TMEM87A: variants seen among roughly 807,000 people sequenced by gnomAD.
TMEM87A encodes the protein transmembrane protein 87A.
In TMEM87A, 50 loss-of-function variants were observed where a neutral mutation model predicts 90.0. The ratio of observed to expected loss-of-function variants is 0.56; its 90% CI spans 0.44 to 0.70. The LOEUF is 0.70. Among genes scored for constraint, TMEM87A ranks in the 30% least tolerant of loss-of-function variants. TMEM87A has a pLI of 0.00. For synonymous variants in TMEM87A, 226 were observed against 226.7 expected (o/e 1.00, Z 0.03); for missense variants, 577 against 660.5 (o/e 0.87, Z 1.39).
chr15:42,211,578 G>T lies in TMEM87A; in HGVS notation c.*130C>A. On this transcript the variant is annotated 3_prime_UTR_variant, in exon 20 of 20. Transcript: ENST00000389834. ...TCTGACACCTCTCGCCAACTCCAATGCCCAAAGATCAAGGAACAGATCAGG... is the reference window on the plus strand; with the variant it reads ...TCTGACACCTCTCGCCAACTCCAATTCCCAAAGATCAAGGAACAGATCAGG... The T allele has an allele frequency of 1.1e-6, 1 of 881,038 alleles. No homozygotes were observed. The highest frequency in any genetic ancestry group is 1.7e-6 in the Non-Finnish European group (1 of 572,942). 54.6% of individuals were successfully genotyped at this position (881,038 alleles called of 1,614,324 possible).
intron 8 of TMEM87A, among the ~76,000 whole-genome samples, chr15:42,239,137 G>A (rs1011932688): frequency 6.6e-6 from 1 of 152,090 alleles, no homozygotes; most frequent in African/African-American, 2.4e-5. Context: ...TCTGTCTCCT[G>A]GGTTCAAGCA....
At chr15:42,237,711 A>G (rs1221945171) in intron 8 of TMEM87A, 96 bp from the exon 9 acceptor site, 1 of 895,536 alleles carries the variant, frequency 1.1e-6, no homozygotes, top group Non-Finnish European at 1.6e-6. Flanking sequence ...TTTTTTTTTA[A>G]GAGATGGGGA....
At chr15:42,254,044 AT>A (rs1490264872) in intron 6 of TMEM87A, among the ~76,000 whole-genome samples, 1 of 151,276 alleles carries the variant, frequency 6.6e-6, no homozygotes, top group Non-Finnish European at 1.5e-5. Context: ...TAACAAAACT[AT>A]TTTTTTCTTT....
chr15:42,269,679 G>A (rs941912724), intron 2 of TMEM87A, among the ~76,000 whole-genome samples: 1 of 152,130 alleles, frequency 6.6e-6, no homozygotes, highest in African/African-American at 2.4e-5. Flanking sequence ...GCTCACGCCT[G>A]TAATCCCAGC....
intron 13 of TMEM87A, among the ~76,000 whole-genome samples, chr15:42,228,469 C>T (rs1393880140): frequency 6.6e-6 from 1 of 152,056 alleles, no homozygotes; most frequent in African/African-American, 2.4e-5. Flanking sequence ...AGAAAGAATG[C>T]AAATAGAAGA....
At chr15:42,261,091 C>T in intron 5 of TMEM87A, 89 bp from the exon 6 acceptor site, 12 of 1,540,208 alleles carry the variant, frequency 7.8e-6, no homozygotes, top group Non-Finnish European at 1.1e-5. Context: ...GAAGCCTGCT[C>T]CCCAGGTGCA....
intron 6 of TMEM87A, among the ~76,000 whole-genome samples, chr15:42,255,933 C>G (rs545699443): frequency 1.4e-4 from 10 of 72,720 alleles, no homozygotes; most frequent in African/African-American, 5.2e-4. Context: ...CCACACCCAG[C>G]TAATTTTTTT....
rs1042290854 is a variant in TMEM87A, at chr15:42,210,749, C to G, written c.*959G>C. On this transcript the variant is annotated 3_prime_UTR_variant, in exon 20 of 20. Transcript: ENST00000389834. The stretch of plus-strand genomic sequence containing the variant: ...CGAGCAGCAGTCCAGGGCCTCCACG[C>G]TACTTCATGCAATAACTGTTTAAAT... 2 of 152,700 alleles carry G rather than the reference C, an allele frequency of 1.3e-5. No individual in the cohort carries two copies. Among genetic ancestry groups the G allele is most frequent in the Non-Finnish European group, 2.9e-5 (2 of 68,104 alleles). The allele number at this position is 152,700 out of a possible 1,614,324, so 9.5% of individuals were successfully genotyped here. A position where few individuals can be genotyped will look rare whatever the true frequency, so the allele number is the denominator to read the frequency against.
At chr15:42,223,128 C>T (rs1329379665) in intron 15 of TMEM87A, among the ~76,000 whole-genome samples, 1 of 152,156 alleles carries the variant, frequency 6.6e-6, no homozygotes, top group African/African-American at 2.4e-5. Context: ...TATGGTGGCT[C>T]ACGCCTGTAA....
intron 6 of TMEM87A, among the ~76,000 whole-genome samples, chr15:42,251,693 C>T (rs1383215313): frequency 1.3e-5 from 2 of 152,200 alleles, no homozygotes; most frequent in East Asian, 3.9e-4. Context: ...AGTTAGGCTA[C>T]ATGGGGGTCA....
In TMEM87A at chr15:42,211,639, A is replaced by C; in HGVS notation, c.*69T>G. On this transcript the variant is annotated 3_prime_UTR_variant, in exon 20 of 20. Transcript: ENST00000389834. The stretch of plus-strand genomic sequence containing the variant: ...TTCCTTTAATCCCATGGAGCCGTAC[A>C]GAAGACTGACACAGATGCTGATCTC... 3 of 1,479,426 alleles carry C rather than the reference A, an allele frequency of 2.0e-6. No homozygotes were observed. Among genetic ancestry groups the C allele is most frequent in the Non-Finnish European group, 2.8e-6 (3 of 1,062,578 alleles). The allele number at this position is 1,479,426 out of a possible 1,614,324, so 91.6% of individuals were successfully genotyped here. A position where few individuals can be genotyped will look rare whatever the true frequency, so the allele number is the denominator to read the frequency against.
At chr15:42,258,767 T>C in intron 6 of TMEM87A, 2 of 1,432,354 alleles carry the variant, frequency 1.4e-6, no homozygotes, top group Non-Finnish European at 1.8e-6. Flanking sequence ...ACAAAGACTG[T>C]CATGCCTAAC....
chr15:42,213,527 T>A (rs1335805105), intron 19 of TMEM87A, among the ~76,000 whole-genome samples: 1 of 152,154 alleles, frequency 6.6e-6, no homozygotes, highest in African/African-American at 2.4e-5. Context: ...ATATTTTAGG[T>A]GCCTGGGGCC....
In TMEM87A at chr15:42,261,019, A is replaced by C; in HGVS notation, c.460-17T>G. On this transcript the variant is annotated splice_polypyrimidine_tract_variant and intron_variant, in intron 5 of 19. Transcript: ENST00000389834. ...CTCCTTAGCCTTTAAACATTAAAAA[A>C]ATAATAATAATTAATTCAGAACTTC... 7.2e-7 allele frequency: 1 copy of C among 1,386,038 alleles called. No individual in the cohort carries two copies. Among genetic ancestry groups the C allele is most frequent in the African/African-American group, 1.5e-5 (1 of 66,676 alleles). The allele number at this position is 1,386,038 out of a possible 1,614,324, so 85.9% of individuals were successfully genotyped here.
At position 42,249,111 on chromosome 15, in the gene TMEM87A, C is replaced by A. The variant is rs1216948315; in HGVS notation, c.505-4944G>T. On this transcript the variant is annotated intron_variant, in intron 6 of 19. Coordinates refer to ENST00000389834, the MANE Select transcript of TMEM87A (RefSeq NM_015497.5). ...TATTCTCTGATGGTAGTTTGTATTT[C>A]TGTGGGATCAGTAGTGATATCCCCT... Among the ~76,000 whole-genome samples the A allele has an allele frequency of 7.2e-5, 11 of 152,192 alleles. No individual in the cohort carries two copies. The East Asian group carries it at 2.1e-3, about 29-fold the overall frequency.
chr15:42,236,196 TTTC>T (rs1390534152), intron 10 of TMEM87A, 121 bp downstream of exon 10: 4 of 868,176 alleles, frequency 4.6e-6, no homozygotes. Context: ...TTCAAATACC[TTTC>T]TTGTTTCAGA....
chr15:42,215,552 A>G (rs1402662108), intron 19 of TMEM87A, among the ~76,000 whole-genome samples: 2 of 152,204 alleles, frequency 1.3e-5, no homozygotes, highest in East Asian at 3.8e-4. Context: ...ACAGCAAAAA[A>G]TCAACTAACT....
chr15:42,221,516 A>G (rs536636424), intron 15 of TMEM87A, among the ~76,000 whole-genome samples: 2 of 152,316 alleles, frequency 1.3e-5, no homozygotes, highest in African/African-American at 4.8e-5. Flanking sequence ...TATTAATTCA[A>G]TTAAGTTCCA....
intron 9 of TMEM87A, among the ~76,000 whole-genome samples, chr15:42,236,961 C>T (rs1251942699): frequency 6.6e-6 from 1 of 152,218 alleles, no homozygotes; most frequent in East Asian, 1.9e-4. Context: ...AAAACAACTT[C>T]TGTCATTACC....
Sources: allele counts gnomAD v4.1 joint callset (sites outside exome capture counted in the v4.1 genomes callset), GRCh38; gene constraint gnomAD v4.1.1; transcripts MANE v1.5; gene names NCBI Gene and HGNC (gene_info 2026-07-23, HGNC 2026-07-21).